The following SLCO3A1 variants were observed in gnomAD, a reference collection of about 807,000 sequenced individuals.
SLCO3A1 encodes solute carrier organic anion transporter family member 3A1, also known as PGE1 transporter.
In SLCO3A1, 27 loss-of-function variants were observed where a neutral mutation model predicts 63.1. The observed-to-expected ratio is 0.43, with a 90% confidence interval of 0.32 to 0.59. The LOEUF (loss-of-function observed/expected upper bound fraction) is 0.59. SLCO3A1 is among the 20% of genes least tolerant of loss of function. The probability of loss-of-function intolerance (pLI) is 0.09; values close to 1 mark genes in which losing one functional copy is unlikely to be tolerated. For synonymous variants in SLCO3A1, 473 were observed against 409.9 expected (o/e 1.15, Z -1.86); for missense variants, 773 against 945.8 (o/e 0.82, Z 2.40).
intron 3 of SLCO3A1, among the ~76,000 whole-genome samples, chr15:92,103,874 G>T (rs1338171434): frequency 1.3e-5 from 2 of 152,112 alleles, no homozygotes; most frequent in Non-Finnish European, 2.9e-5. Context: ...GTGGGATCTC[G>T]TGTGAGCTGC....
At position 92,111,686 on chromosome 15, in the gene SLCO3A1, GTTAT is replaced by G. The variant is rs370481510; in HGVS notation, c.1009+7147_1009+7150del. 1.1e-3 allele frequency among the ~76,000 whole-genome samples: 171 copies of G among 152,324 alleles called. 3 individuals are homozygous for G. The South Asian group carries it at 0.035, about 31-fold the overall frequency. On this transcript the variant is annotated intron_variant, in intron 4 of 9. Transcript: ENST00000318445. ...GATAAGCTACAGCTGCACTTCTCAA[GTTAT>G]TTCAGCAAAGCTCCTGAGACAAACC... is the stretch of plus-strand genomic sequence containing the variant.
intron 3 of SLCO3A1, 72 bp downstream of exon 3, chr15:92,095,051 G>C: frequency 9.3e-7 from 1 of 1,076,898 alleles, no homozygotes; most frequent in Non-Finnish European, 1.4e-6. Flanking sequence ...GCTTCAGCCT[G>C]TGGGTTCTAA....
At chr15:91,976,146 A>G (rs1901100484) in intron 2 of SLCO3A1, among the ~76,000 whole-genome samples, 1 of 152,206 alleles carries the variant, frequency 6.6e-6, no homozygotes, top group South Asian at 2.1e-4. Context: ...GCTAGAAAGC[A>G]GAAATGGGGA....
intron 2 of SLCO3A1, among the ~76,000 whole-genome samples, chr15:92,083,969 A>T (rs1243806140): frequency 6.6e-6 from 1 of 152,198 alleles, no homozygotes; most frequent in Non-Finnish European, 1.5e-5. Context: ...GACCCTGGCC[A>T]TGCAGCTCTA....
intron 2 of SLCO3A1, among the ~76,000 whole-genome samples, chr15:92,052,098 A>G (rs74030438): frequency 0.024 from 3,599 of 152,174 alleles, 130 homozygotes; most frequent in African/African-American, 0.082. Flanking sequence ...GTCCCTGCTC[A>G]TCGCCATATC....
chr15:91,888,010 T>A (rs906086416), intron 1 of SLCO3A1, among the ~76,000 whole-genome samples: 1 of 152,226 alleles, frequency 6.6e-6, no homozygotes, highest in Non-Finnish European at 1.5e-5. Flanking sequence ...ATAAACCCCA[T>A]GATGTGCTGC....
At chr15:91,913,565 A>C (rs991517590) in intron 1 of SLCO3A1, among the ~76,000 whole-genome samples, 1 of 150,794 alleles carries the variant, frequency 6.6e-6, no homozygotes, top group Non-Finnish European at 1.5e-5. Context: ...TTTGAAAATG[A>C]GGCTAAGAGG....
intron 2 of SLCO3A1, among the ~76,000 whole-genome samples, chr15:92,061,984 C>T (rs1166984752): frequency 6.6e-6 from 1 of 152,212 alleles, no homozygotes; most frequent in African/African-American, 2.4e-5. Context: ...CATTGACAGA[C>T]AGCGCCCCAA....
Position 92,128,342 on chromosome 15 carries a change from C to G in SLCO3A1, c.1374-9C>G. 3 of 1,613,236 alleles carry G rather than the reference C, an allele frequency of 1.9e-6. No homozygotes were observed. Among genetic ancestry groups the G allele is most frequent in the Non-Finnish European group, 2.5e-6 (3 of 1,179,754 alleles). Reference sequence around the variant, plus strand: ...TTCTAATGGCTTCCGTGTTTCCTTTCTTTTCCAGCACAGCACCTGGCTCAG... The same window carrying G: ...TTCTAATGGCTTCCGTGTTTCCTTTGTTTTCCAGCACAGCACCTGGCTCAG... On this transcript the variant is annotated splice_polypyrimidine_tract_variant and intron_variant, in intron 6 of 9. Transcript: ENST00000318445.
intron 1 of SLCO3A1, among the ~76,000 whole-genome samples, chr15:91,866,637 G>A (rs980531105): frequency 6.6e-6 from 1 of 150,944 alleles, no homozygotes; most frequent in Non-Finnish European, 1.5e-5. Context: ...AATTAACTTC[G>A]ACAACTTCCT....
chr15:91,938,942 A>G (rs1190942829), intron 2 of SLCO3A1, among the ~76,000 whole-genome samples: 1 of 152,176 alleles, frequency 6.6e-6, no homozygotes, highest in African/African-American at 2.4e-5. Context: ...AAGACTTTCT[A>G]AACGTAGCTG....
In SLCO3A1 at chr15:91,872,846, T is replaced by A. The variant is rs1897312306; in HGVS notation, c.180+18758T>A. Among the ~76,000 whole-genome samples the A allele has an allele frequency of 6.6e-6, 1 of 152,226 alleles. No homozygotes were observed. The highest frequency in any genetic ancestry group is 2.4e-5 in the African/African-American group (1 of 41,458). On this transcript the variant is annotated intron_variant, in intron 1 of 9. Coordinates refer to ENST00000318445, the MANE Select transcript of SLCO3A1 (RefSeq NM_013272.4). This position sits in a 1 kb window ranked among gnomAD's most constrained non-coding sequence, Gnocchi z 4.1. ...TTCACCAGGGCCAGAGAATCTGTTC[T>A]CTGTTCCCTTCCTCCCCTTTAGGGC...
At chr15:92,107,164 G>A (rs547976327) in intron 4 of SLCO3A1, among the ~76,000 whole-genome samples, 3 of 152,266 alleles carry the variant, frequency 2.0e-5, no homozygotes, top group South Asian at 2.1e-4. Flanking sequence ...ATCTGTATAC[G>A]CACAGGCTTC....
chr15:91,985,709 C>T (rs1213915413), intron 2 of SLCO3A1, among the ~76,000 whole-genome samples: 1 of 152,172 alleles, frequency 6.6e-6, no homozygotes, highest in Non-Finnish European at 1.5e-5. Flanking sequence ...GAGGGCCCTG[C>T]ACTAGTGCTC....
intron 4 of SLCO3A1, 73 bp from the exon 5 acceptor site, chr15:92,120,392 G>A (rs1473222932): frequency 8.0e-6 from 12 of 1,492,632 alleles, no homozygotes; most frequent in African/African-American, 1.4e-5. Context: ...GGGGCCTTAG[G>A]AGCAGGGAGC....
chr15:92,101,451 G>A (rs1240176154), intron 3 of SLCO3A1, among the ~76,000 whole-genome samples: 1 of 152,054 alleles, frequency 6.6e-6, no homozygotes, highest in Non-Finnish European at 1.5e-5. Flanking sequence ...GGAGGTTGCA[G>A]TAAGCCAAGA....
chr15:91,934,040 C>T (rs796557587), intron 2 of SLCO3A1, among the ~76,000 whole-genome samples: 1 of 152,216 alleles, frequency 6.6e-6, no homozygotes, highest in African/African-American at 2.4e-5. Flanking sequence ...TAACTATAAG[C>T]TAAAAACTTA....
intron 2 of SLCO3A1, among the ~76,000 whole-genome samples, chr15:92,008,457 AAGTATCT>A: frequency 6.6e-6 from 1 of 152,380 alleles, no homozygotes. Flanking sequence ...AATGTTTATG[AAGTATCT>A]AGCTGAGTTG....
At chr15:92,028,847 T>C (rs1567075245) in intron 2 of SLCO3A1, among the ~76,000 whole-genome samples, 3 of 151,774 alleles carry the variant, frequency 2.0e-5, no homozygotes, top group Non-Finnish European at 4.4e-5. Flanking sequence ...TGAGAGTGTT[T>C]TGCTTTTTGC....
Sources: allele counts gnomAD v4.1 joint callset (sites outside exome capture counted in the v4.1 genomes callset), GRCh38; gene constraint gnomAD v4.1.1; non-coding constraint Gnocchi (gnomAD v3.1); transcripts MANE v1.5; gene names NCBI Gene and HGNC (gene_info 2026-07-23, HGNC 2026-07-21).